The following RPS6KC1 variants were observed in gnomAD, a reference collection of about 807,000 sequenced individuals.
The protein encoded by RPS6KC1 is inactive ribosomal protein S6 kinase delta-1.
Under a neutral mutation model 103.8 loss-of-function variants are expected in RPS6KC1, and 54 were observed. The observed-to-expected ratio is 0.52, with a 90% CI of 0.42 to 0.65. The LOEUF is 0.65. Among genes scored for constraint, RPS6KC1 ranks in the 30% least tolerant of loss-of-function variants. The pLI is 0.00. For synonymous variants in RPS6KC1, 439 were observed against 438.7 expected (o/e 1.00, Z -0.01); for missense variants, 1,151 against 1,253.8 (o/e 0.92, Z 1.24).
chr1:213,123,196 G>T (rs932461403), intron 5 of RPS6KC1, among the ~76,000 whole-genome samples: 4 of 152,110 alleles, frequency 2.6e-5, no homozygotes, highest in Non-Finnish European at 5.9e-5. Flanking sequence ...GGGAGGCGGG[G>T]AGAAGACATA....
At chr1:213,439,706 AC>A in the RPS6KC1 span, among the ~76,000 whole-genome samples, 9 of 152,176 alleles carry the variant, frequency 5.9e-5, no homozygotes, top group African/African-American at 2.2e-4. Flanking sequence ...ATTATTATGA[AC>A]CCTTCTTAAA....
chr1:213,105,423 A>G (rs1300977460), intron 4 of RPS6KC1, among the ~76,000 whole-genome samples: 4 of 151,902 alleles, frequency 2.6e-5, no homozygotes, highest in South Asian at 2.1e-4. Context: ...TATAAGTTAA[A>G]TTTCTTAGCC....
the RPS6KC1 span, among the ~76,000 whole-genome samples, chr1:213,631,817 C>T: frequency 6.6e-6 from 1 of 151,950 alleles, no homozygotes; most frequent in African/African-American, 2.4e-5. Flanking sequence ...TTTTGCCCTA[C>T]AAAACTATAT....
chr1:213,607,727 A>ACACACACACAC, the RPS6KC1 span, among the ~76,000 whole-genome samples: 1 of 150,882 alleles, frequency 6.6e-6, no homozygotes, highest in Non-Finnish European at 1.5e-5. Flanking sequence ...ACACACACAC[A>ACACACACACAC]AAATAAATAA....
the RPS6KC1 span, among the ~76,000 whole-genome samples, chr1:213,584,683 G>A: frequency 1.7e-3 from 253 of 152,338 alleles, 1 homozygote; most frequent in Middle Eastern, 0.01. Context: ...AGGAATTGCA[G>A]GGAAACTGTT....
chr1:213,146,625 CTG>C (rs2087871454), intron 6 of RPS6KC1, among the ~76,000 whole-genome samples: 1 of 151,848 alleles, frequency 6.6e-6, no homozygotes, highest in Non-Finnish European at 1.5e-5. Context: ...CGGGGTTTCT[CTG>C]TGTCAGCCAG....
the RPS6KC1 span, among the ~76,000 whole-genome samples, chr1:213,553,258 G>A: frequency 2.6e-5 from 4 of 152,200 alleles, no homozygotes; most frequent in South Asian, 4.1e-4. Flanking sequence ...AAGAGCTTAT[G>A]GTATTTGGTT....
chr1:213,741,305 A>G, the RPS6KC1 span, among the ~76,000 whole-genome samples: 4 of 152,164 alleles, frequency 2.6e-5, no homozygotes, highest in East Asian at 7.7e-4. Flanking sequence ...ACAATGTATT[A>G]TTATAATTAT....
At chr1:213,584,766 T>C in the RPS6KC1 span, among the ~76,000 whole-genome samples, 1 of 152,204 alleles carries the variant, frequency 6.6e-6, no homozygotes, top group Non-Finnish European at 1.5e-5. Context: ...TTCTTAGGTG[T>C]TTTATGCATA....
chr1:213,115,391 G>A (rs1418269997), intron 4 of RPS6KC1, among the ~76,000 whole-genome samples: 1 of 152,046 alleles, frequency 6.6e-6, no homozygotes, highest in Non-Finnish European at 1.5e-5. Flanking sequence ...TGTGGGATCG[G>A]TGGTGATATC....
chr1:213,849,424 C>T, the RPS6KC1 span, among the ~76,000 whole-genome samples: 1 of 152,158 alleles, frequency 6.6e-6, no homozygotes, highest in Admixed American at 6.5e-5. Flanking sequence ...TCAACCCTTT[C>T]TTTACCAATT....
At chr1:213,764,402 G>A in the RPS6KC1 span, among the ~76,000 whole-genome samples, 1 of 152,044 alleles carries the variant, frequency 6.6e-6, no homozygotes, top group South Asian at 2.1e-4. Context: ...AGCACCCAAG[G>A]GCCCAGGATC....
At chr1:213,341,212 A>C in the RPS6KC1 span, among the ~76,000 whole-genome samples, 2 of 152,166 alleles carry the variant, frequency 1.3e-5, no homozygotes, top group African/African-American at 4.8e-5. Flanking sequence ...TCAGACACCC[A>C]CCAAGCTGCC....
chr1:213,121,371 G>A (rs1021171114), intron 5 of RPS6KC1, among the ~76,000 whole-genome samples: 2 of 152,164 alleles, frequency 1.3e-5, no homozygotes, highest in Non-Finnish European at 2.9e-5. Context: ...AAATTATTTG[G>A]TAGGTTTTTA....
the RPS6KC1 span, among the ~76,000 whole-genome samples, chr1:213,510,552 A>G: frequency 2.0e-4 from 30 of 152,246 alleles, no homozygotes; most frequent in East Asian, 4.1e-3. Context: ...TTGGTTTTGC[A>G]GTTACTGAGC....
intron 1 of RPS6KC1, among the ~76,000 whole-genome samples, chr1:213,066,627 T>A (rs949462919): frequency 6.6e-6 from 1 of 152,212 alleles, no homozygotes; most frequent in Non-Finnish European, 1.5e-5. Context: ...TGAGTATTGC[T>A]AAGGAAGCCG....
the RPS6KC1 span, among the ~76,000 whole-genome samples, chr1:213,603,652 G>C: frequency 7.9e-5 from 12 of 152,000 alleles, no homozygotes; most frequent in South Asian, 8.3e-4. Context: ...TTGAGGTCAG[G>C]AGTTCGAGAC....
At chr1:213,212,599 G>A (rs1489035599) in intron 8 of RPS6KC1, among the ~76,000 whole-genome samples, 2 of 152,198 alleles carry the variant, frequency 1.3e-5, no homozygotes, top group Non-Finnish European at 2.9e-5. Flanking sequence ...TAGACACCAA[G>A]GAATGTAATT....
chr1:213,390,183 C>T, the RPS6KC1 span, among the ~76,000 whole-genome samples: 1 of 152,196 alleles, frequency 6.6e-6, no homozygotes. Context: ...ATGTACATCT[C>T]TCCCCCACCC....
Sources: allele counts gnomAD v4.1 joint callset (sites outside exome capture counted in the v4.1 genomes callset), GRCh38; gene constraint gnomAD v4.1.1; transcripts MANE v1.5; gene names NCBI Gene and HGNC (gene_info 2026-07-23, HGNC 2026-07-21).